Variants in RMDN1 observed in about 807,000 individuals in gnomAD.
The protein encoded by RMDN1 is regulator of microtubule dynamics 1.
A neutral mutation model predicts 48.9 loss-of-function variants in RMDN1; 48 were observed. The observed-to-expected ratio is 0.98, with a 90% CI of 0.78 to 1.25. RMDN1 has a LOEUF of 1.25. Ranked by LOEUF, RMDN1 falls within the 50% of genes most tolerant of loss-of-function variation. The pLI is 0.00. For missense variants in RMDN1, 418 were observed against 373.4 expected (o/e 1.12, Z -0.98); for synonymous variants, 148 against 132.6 (o/e 1.12, Z -0.80).
chr8:86,510,611 A>G (rs116177643), upstream of RMDN1, among the ~76,000 whole-genome samples: 178 of 152,312 alleles, frequency 1.2e-3, 2 homozygotes, highest in Middle Eastern at 0.01. Flanking sequence ...TCTGACTGCA[A>G]CATCAAGAGA....
At position 86,473,789 on chromosome 8, in the gene RMDN1, T is replaced by C. The variant is rs1812907098; in HGVS notation, c.*519A>G. The stretch of plus-strand genomic sequence containing the variant: ...TCAAAAAAATAAAAAAGGAAACTAC[T>C]CCATTTTTAGTCATCTCCTTACTTA... On this transcript the variant is annotated 3_prime_UTR_variant, in exon 10 of 10. Transcript: ENST00000406452. The C allele has an allele frequency of 1.0e-6, 1 of 977,616 alleles. No individual in the cohort carries two copies. Among genetic ancestry groups the C allele is most frequent in the Admixed American group, 6.2e-5 (1 of 16,220 alleles). 60.6% of individuals were successfully genotyped at this position (977,616 alleles called of 1,614,324 possible).
chr8:86,512,441 C>T (rs1386007853), upstream of RMDN1, among the ~76,000 whole-genome samples: 1 of 152,156 alleles, frequency 6.6e-6, no homozygotes, highest in East Asian at 1.9e-4. Flanking sequence ...TATCTTTGCC[C>T]CTGCTACCAT....
chr8:86,503,380 A>C lies in RMDN1; in HGVS notation c.247+3615T>G, dbSNP rs575865723. ...ACAAAACAAAACAAAACAAAAAAAA[A>C]AAAAAAAAACAAAAAAAAATAACAA... On this transcript the variant is annotated intron_variant, in intron 2 of 9. Coordinates refer to ENST00000406452, the MANE Select transcript of RMDN1 (RefSeq NM_016033.3). Among the ~76,000 whole-genome samples the C allele has an allele frequency of 5.5e-3, 324 of 58,996 alleles. 9 individuals are homozygous for C. Among genetic ancestry groups the C allele is most frequent in the South Asian group, 0.016 (35 of 2,148 alleles). 38.7% of individuals were successfully genotyped at this position (58,996 alleles called of 152,430 possible). A position where few individuals can be genotyped will look rare whatever the true frequency, so the allele number is the denominator to read the frequency against.
chr8:86,481,994 G>C, intron 5 of RMDN1: 1 of 846,840 alleles, frequency 1.2e-6, no homozygotes. Flanking sequence ...ATGGTGTCCA[G>C]GAGTACAGTC....
chr8:86,478,792 C>T, intron 7 of RMDN1, 131 bp downstream of exon 7: 1 of 762,392 alleles, frequency 1.3e-6, no homozygotes, highest in Non-Finnish European at 2.3e-6. Flanking sequence ...CTTGTGATAA[C>T]ACAGTTGAAT....
rs746400977 is a variant in RMDN1, at chr8:86,480,270, T to C, written c.641+7A>G. ...TACTACTGAAATATTTAAAGAAATTTTCTTACCAAATACCCATAAGGTGAA... is the reference window on the plus strand; with the variant it reads ...TACTACTGAAATATTTAAAGAAATTCTCTTACCAAATACCCATAAGGTGAA... On this transcript the variant is annotated splice_region_variant and intron_variant, in intron 6 of 9. Coordinates refer to ENST00000406452, the MANE Select transcript of RMDN1 (RefSeq NM_016033.3). 2.0e-6 allele frequency: 3 copies of C among 1,473,898 alleles called. No individual in the cohort carries two copies. The highest frequency in any genetic ancestry group is 2.8e-6 in the Non-Finnish European group (3 of 1,079,260). The allele number at this position is 1,473,898 out of a possible 1,614,324, so 91.3% of individuals were successfully genotyped here. A position where few individuals can be genotyped will look rare whatever the true frequency, so the allele number is the denominator to read the frequency against.
At chr8:86,470,287 C>A (rs781360642), downstream of RMDN1, 364 of 1,289,154 alleles carry the variant, frequency 2.8e-4, 1 homozygote, top group Non-Finnish European at 3.6e-4. Context: ...CACACAAGAA[C>A]AATCAGGTGG....
rs746733021 is a variant in RMDN1, at chr8:86,508,645, T to C, written c.-25A>G. 6.3e-6 allele frequency: 10 copies of C among 1,584,860 alleles called. No homozygotes were observed. The highest frequency in any genetic ancestry group is 1.1e-5 in the South Asian group (1 of 89,384). On this transcript the variant is annotated 5_prime_UTR_variant, in exon 1 of 10. Coordinates refer to ENST00000406452, the MANE Select transcript of RMDN1 (RefSeq NM_016033.3). ...TGACCTGCAACTTGCGGGCTGACCC[T>C]GCACTACTTCAGGCAGCTACGGAGG... is the stretch of plus-strand genomic sequence containing the variant.
chr8:86,511,547 T>G (rs1269308881), upstream of RMDN1, among the ~76,000 whole-genome samples: 4 of 150,822 alleles, frequency 2.7e-5, no homozygotes, highest in African/African-American at 4.9e-5. Flanking sequence ...TGGTGCCTCA[T>G]GCCTGTAATC....
intron 2 of RMDN1, among the ~76,000 whole-genome samples, chr8:86,503,350 T>A (rs1818607509): frequency 9.5e-6 from 1 of 104,876 alleles, no homozygotes. Context: ...AGACTCCGTC[T>A]CAAAACAAAA....
rs1481063871 is a variant in RMDN1, at chr8:86,477,921, C to G, written c.730-597G>C. On this transcript the variant is annotated intron_variant, in intron 7 of 9. Transcript: ENST00000406452. ...AAAAAAAAAAGAACCAGGTCTCACT[C>G]TGTTGCCCAGGCTGGAATGCTGTAG... is the stretch of plus-strand genomic sequence containing the variant. 2.6e-5 allele frequency among the ~76,000 whole-genome samples: 4 copies of G among 152,004 alleles called. No individual in the cohort carries two copies. In the East Asian group the frequency reaches 7.7e-4, roughly 29 times the overall value.
At chr8:86,511,062 G>A (rs963549709), upstream of RMDN1, among the ~76,000 whole-genome samples, 3 of 152,136 alleles carry the variant, frequency 2.0e-5, no homozygotes, top group African/African-American at 4.8e-5. Context: ...TACTCAGGAG[G>A]ATGAGCTGGG....
chr8:86,487,393 C>A (rs1209913646), intron 3 of RMDN1, among the ~76,000 whole-genome samples: 1 of 152,128 alleles, frequency 6.6e-6, no homozygotes, highest in Non-Finnish European at 1.5e-5. Context: ...CACCTGAGGT[C>A]AGGAGTTCAA....
rs546320394 is a variant in RMDN1, at chr8:86,498,259, A to G, written c.247+8736T>C. 4.0e-3 allele frequency among the ~76,000 whole-genome samples: 279 copies of G among 69,364 alleles called. 4 individuals are homozygous for G. The highest frequency in any genetic ancestry group is 0.012 in the African/African-American group (251 of 20,548). 45.5% of individuals were successfully genotyped at this position (69,364 alleles called of 152,430 possible). A position where few individuals can be genotyped will look rare whatever the true frequency, so the allele number is the denominator to read the frequency against. The stretch of plus-strand genomic sequence containing the variant: ...CAAGTTCGAAAATTGAATCAGTAGT[A>G]AAAAAAAAAAACCTACCAACCAGAA... On this transcript the variant is annotated intron_variant, in intron 2 of 9. Coordinates refer to ENST00000406452, the MANE Select transcript of RMDN1 (RefSeq NM_016033.3).
intron 4 of RMDN1, 42 bp from the exon 5 acceptor site, chr8:86,485,003 A>T: frequency 9.2e-7 from 1 of 1,088,698 alleles, no homozygotes; most frequent in Non-Finnish European, 1.4e-6. Flanking sequence ...TATTCTTAAT[A>T]TTCCATTCAA....
Position 86,474,815 on chromosome 8 carries a change from T to C in RMDN1, c.894+5A>G. 8.1e-6 allele frequency: 13 copies of C among 1,602,486 alleles called. No individual in the cohort carries two copies. Among genetic ancestry groups the C allele is most frequent in the Non-Finnish European group, 1.0e-5 (12 of 1,176,216 alleles). ...TTCTGCCTTACTTTATGGGAGATGTTTTACCTGTTTATCCTCCTCTGTGTG... is the reference window on the plus strand; with the variant it reads ...TTCTGCCTTACTTTATGGGAGATGTCTTACCTGTTTATCCTCCTCTGTGTG... On this transcript the variant is annotated splice_donor_5th_base_variant and intron_variant, in intron 9 of 9. Coordinates refer to ENST00000406452, the MANE Select transcript of RMDN1 (RefSeq NM_016033.3).
At chr8:86,479,266 T>C (rs1039021237) in intron 6 of RMDN1, among the ~76,000 whole-genome samples, 31 of 152,154 alleles carry the variant, frequency 2.0e-4, no homozygotes, top group Admixed American at 1.0e-3. Context: ...ACTGAGTGCA[T>C]TGTGCCAGGT....
intron 6 of RMDN1, among the ~76,000 whole-genome samples, chr8:86,480,014 T>C (rs1814084188): frequency 6.6e-6 from 1 of 152,158 alleles, no homozygotes; most frequent in Admixed American, 6.5e-5. Context: ...TAATTTCATT[T>C]AGCATGGTAA....
intron 2 of RMDN1, chr8:86,503,531 C>T (rs925567994): frequency 3.6e-6 from 1 of 280,308 alleles, no homozygotes; most frequent in Non-Finnish European, 7.2e-6. Flanking sequence ...TGGAATCACA[C>T]TCCTAGATCT....
Sources: gnomAD v4.1 joint callset for allele counts (sites outside exome capture counted in the v4.1 genomes callset) on GRCh38, gnomAD v4.1.1 for gene constraint, MANE v1.5 for transcripts, NCBI Gene and HGNC (gene_info 2026-07-23, HGNC 2026-07-21) for gene names.